Variants in NRXN1 observed in about 807,000 individuals in gnomAD.
The protein encoded by NRXN1 is neurexin 1, also known as neurexin-1.
Under a neutral mutation model 150.9 loss-of-function variants are expected in NRXN1, and 39 were observed. The observed-to-expected ratio is 0.26, with a 90% CI of 0.20 to 0.34. NRXN1 has a LOEUF of 0.34. NRXN1 is among the 10% of genes least tolerant of loss of function. The pLI is 1.00. For synonymous variants in NRXN1, 924 were observed against 757.0 expected (o/e 1.22, Z -3.62); for missense variants, 1,815 against 1,949.9 (o/e 0.93, Z 1.30).
chr2:50,211,540 T>A (rs1220947563), intron 18 of NRXN1, among the ~76,000 whole-genome samples: 1 of 151,512 alleles, frequency 6.6e-6, no homozygotes, highest in Non-Finnish European at 1.5e-5. Flanking sequence ...GTGATTTCCA[T>A]TATAACAGCA....
chr2:50,165,580 C>G (rs913468424), intron 18 of NRXN1, among the ~76,000 whole-genome samples: 1 of 152,052 alleles, frequency 6.6e-6, no homozygotes, highest in Non-Finnish European at 1.5e-5. Flanking sequence ...AACTCCTGAC[C>G]TCAGGTGATA....
At position 50,276,281 on chromosome 2, in the gene NRXN1, C is replaced by A. The variant is rs149879734; in HGVS notation, c.3365-39311G>T. On this transcript the variant is annotated intron_variant, in intron 17 of 22. Coordinates refer to ENST00000401669, the MANE Select transcript of NRXN1 (RefSeq NM_001330078.2). ...AATAATAAAAAATAAGAATAAAAAG[C>A]CTAACACTCATTGTGCTTGCTGTCT... Among the ~76,000 whole-genome samples the A allele has an allele frequency of 1.8e-3, 281 of 152,110 alleles. 1 individual carries two copies. The highest frequency in any genetic ancestry group is 6.6e-3 in the African/African-American group (272 of 41,500).
At chr2:50,478,329 A>C (rs2090157613) in intron 15 of NRXN1, among the ~76,000 whole-genome samples, 1 of 152,212 alleles carries the variant, frequency 6.6e-6, no homozygotes, top group Non-Finnish European at 1.5e-5. Flanking sequence ...CAAGTAAACA[A>C]ATATAAACTT....
chr2:50,391,470 TTTACA>T (rs764218788), intron 17 of NRXN1, among the ~76,000 whole-genome samples: 27 of 152,160 alleles, frequency 1.8e-4, no homozygotes, highest in Non-Finnish European at 2.4e-4. Flanking sequence ...GTGTTTCAAA[TTTACA>T]TTACATTTGA....
At chr2:50,557,828 CA>C (rs1668478720) in intron 8 of NRXN1, among the ~76,000 whole-genome samples, 1 of 152,144 alleles carries the variant, frequency 6.6e-6, no homozygotes, top group African/African-American at 2.4e-5. Context: ...ATTGATTGGT[CA>C]CATATTTAAG....
At chr2:50,220,809 A>G (rs1475552645) in intron 18 of NRXN1, among the ~76,000 whole-genome samples, 1 of 151,984 alleles carries the variant, frequency 6.6e-6, no homozygotes, top group Non-Finnish European at 1.5e-5. Flanking sequence ...CAAAGAATTG[A>G]TCCTCAGAGA....
At chr2:50,247,092 G>C (rs1195470573) in intron 17 of NRXN1, among the ~76,000 whole-genome samples, 1 of 152,036 alleles carries the variant, frequency 6.6e-6, no homozygotes, top group African/African-American at 2.4e-5. Context: ...ACATCCATCA[G>C]CATGATGGAG....
At chr2:50,597,058 G>C (rs957801775) in intron 8 of NRXN1, among the ~76,000 whole-genome samples, 2 of 151,902 alleles carry the variant, frequency 1.3e-5, no homozygotes, top group Non-Finnish European at 2.9e-5. Flanking sequence ...TCACCAGGCT[G>C]ATCTCTAACT....
chr2:50,497,825 G>T, intron 13 of NRXN1, 111 bp from the exon 14 acceptor site: 1 of 952,068 alleles, frequency 1.1e-6, no homozygotes, highest in Non-Finnish European at 1.6e-6. Flanking sequence ...ATCCCTCCTT[G>T]GTACTCAGTT....
intron 17 of NRXN1, among the ~76,000 whole-genome samples, chr2:50,266,496 A>G (rs2152918796): frequency 6.8e-6 from 1 of 147,566 alleles, no homozygotes; most frequent in South Asian, 2.1e-4. Context: ...ATTTTTATAT[A>G]TTTAGTTACA....
At chr2:50,520,450 T>C (rs1451456551) in intron 12 of NRXN1, among the ~76,000 whole-genome samples, 2 of 151,756 alleles carry the variant, frequency 1.3e-5, no homozygotes, top group Non-Finnish European at 1.5e-5. Flanking sequence ...GTAGAAATTA[T>C]AGATGATGAA....
chr2:50,338,571 A>T (rs1231503273), intron 17 of NRXN1, among the ~76,000 whole-genome samples: 1 of 152,166 alleles, frequency 6.6e-6, no homozygotes, highest in African/African-American at 2.4e-5. Flanking sequence ...ACATAAAATG[A>T]TATAGATGCA....
chr2:50,511,110 G>C (rs2092436813), intron 12 of NRXN1, among the ~76,000 whole-genome samples: 1 of 151,672 alleles, frequency 6.6e-6, no homozygotes, highest in African/African-American at 2.4e-5. Context: ...GCTCAGGCTA[G>C]AGTGCAGTGG....
At chr2:49,988,154 G>GAAACA (rs1681252032) in intron 21 of NRXN1, among the ~76,000 whole-genome samples, 1 of 151,950 alleles carries the variant, frequency 6.6e-6, no homozygotes, top group South Asian at 2.1e-4. Context: ...ATTAAAGAGT[G>GAAACA]AAACAGTCCT....
chr2:50,178,637 T>C (rs187855710), intron 18 of NRXN1, among the ~76,000 whole-genome samples: 7 of 152,256 alleles, frequency 4.6e-5, no homozygotes, highest in African/African-American at 1.7e-4. Context: ...GTAAGTACTT[T>C]TTTTTGGCTT....
At chr2:50,914,741 C>A (rs1182607970) in intron 5 of NRXN1, among the ~76,000 whole-genome samples, 1 of 150,772 alleles carries the variant, frequency 6.6e-6, no homozygotes, top group East Asian at 2.0e-4. Flanking sequence ...TACCTTGGAG[C>A]AAAAAGGAAA....
intron 17 of NRXN1, among the ~76,000 whole-genome samples, chr2:50,342,219 A>G (rs2077601230): frequency 6.6e-6 from 1 of 152,254 alleles, no homozygotes; most frequent in East Asian, 1.9e-4. Context: ...TGGGCAACCA[A>G]AAAATTATTC....
At chr2:50,010,467 A>T (rs1230452910) in intron 21 of NRXN1, among the ~76,000 whole-genome samples, 1 of 152,180 alleles carries the variant, frequency 6.6e-6, no homozygotes, top group East Asian at 1.9e-4. Flanking sequence ...TTAATCTGCA[A>T]CCAGATTCTG....
At chr2:51,016,879 A>G (rs980940711) in intron 2 of NRXN1, among the ~76,000 whole-genome samples, 1 of 152,176 alleles carries the variant, frequency 6.6e-6, no homozygotes, top group African/African-American at 2.4e-5. Flanking sequence ...GATAGACTGG[A>G]TAAAGAAAAT....
Sources: allele counts gnomAD v4.1 joint callset (sites outside exome capture counted in the v4.1 genomes callset), GRCh38; gene constraint gnomAD v4.1.1; transcripts MANE v1.5; gene names NCBI Gene and HGNC (gene_info 2026-07-23, HGNC 2026-07-21).